UNC5C: variants seen among roughly 807,000 people sequenced by gnomAD.
UNC5C encodes netrin receptor UNC5C.
A neutral mutation model predicts 99.8 loss-of-function variants in UNC5C; 47 were observed. That is an observed-to-expected ratio of 0.47 (90% CI 0.37 to 0.60). UNC5C has a LOEUF of 0.60. UNC5C is among the 20% of genes least tolerant of loss of function. The pLI is 0.00. For synonymous variants in UNC5C, 487 were observed against 452.2 expected (o/e 1.08, Z -0.98); for missense variants, 1,062 against 1,165.9 (o/e 0.91, Z 1.30).
Position 95,218,962 on chromosome 4 carries a change from G to A in UNC5C, c.1645+7C>T, listed in dbSNP as rs1307868309. 6.3e-7 allele frequency: 1 copy of A among 1,585,330 alleles called. No homozygotes were observed. Among genetic ancestry groups the A allele is most frequent in the Non-Finnish European group, 8.6e-7 (1 of 1,164,406 alleles). Reference sequence around the variant, plus strand: ...GCCTCTTTGCAATTTAAACCTCTAGGAATTACCTGAATTGGGAACAATAAG... The same window carrying A: ...GCCTCTTTGCAATTTAAACCTCTAGAAATTACCTGAATTGGGAACAATAAG... On this transcript the variant is annotated splice_region_variant and intron_variant, in intron 9 of 15. Transcript: ENST00000453304.
intron 1 of UNC5C, among the ~76,000 whole-genome samples, chr4:95,494,675 C>T (rs1370619588): frequency 6.6e-6 from 1 of 151,340 alleles, no homozygotes; most frequent in African/African-American, 2.4e-5. Context: ...AGAGGCAATG[C>T]TAAGCTTAAA....
Position 95,216,283 on chromosome 4 carries a change from G to C in UNC5C, c.1646-72C>G, listed in dbSNP as rs114114448. ...GTAAAAGGGAATGAGGAGATTTTGT[G>C]ACCGCGCAGCCATAAGCCTGCTTCA... On this transcript the variant is annotated intron_variant, in intron 9 of 15. Transcript: ENST00000453304. The C allele has an allele frequency of 1.3e-3, 1,545 of 1,198,532 alleles. 10 individuals carry two copies. In the African/African-American group the frequency reaches 0.016, roughly 13 times the overall value. 74.2% of individuals were successfully genotyped at this position (1,198,532 alleles called of 1,614,324 possible).
intron 1 of UNC5C, among the ~76,000 whole-genome samples, chr4:95,417,492 C>G (rs1441078387): frequency 6.6e-6 from 1 of 152,066 alleles, no homozygotes; most frequent in Non-Finnish European, 1.5e-5. Context: ...AATTCTCTTT[C>G]AAAATGTTTC....
chr4:95,367,662 T>C (rs1744614608), intron 1 of UNC5C, among the ~76,000 whole-genome samples: 1 of 152,216 alleles, frequency 6.6e-6, no homozygotes, highest in Non-Finnish European at 1.5e-5. Flanking sequence ...TTATGTTACC[T>C]TGATGATAAT....
chr4:95,178,499 C>T lies in UNC5C; in HGVS notation c.2451+4398G>A, dbSNP rs1331451091. Reference sequence around the variant, plus strand: ...GAGAGTATATCAATCAATCAATCATCCTCAGACCTCTATGATAACACTGTG... The same window carrying T: ...GAGAGTATATCAATCAATCAATCATTCTCAGACCTCTATGATAACACTGTG... On this transcript the variant is annotated intron_variant, in intron 14 of 15. Coordinates refer to ENST00000453304, the MANE Select transcript of UNC5C (RefSeq NM_003728.4). Among the ~76,000 whole-genome samples the T allele has an allele frequency of 2.0e-5, 3 of 151,920 alleles. 1 individual carries two copies. The highest frequency in any genetic ancestry group is 4.4e-5 in the Non-Finnish European group (3 of 67,890).
At chr4:95,290,536 G>A (rs1032164610) in intron 3 of UNC5C, among the ~76,000 whole-genome samples, 2 of 152,122 alleles carry the variant, frequency 1.3e-5, no homozygotes, top group Admixed American at 1.3e-4. Flanking sequence ...TTCCTAAACA[G>A]GTGACATGGG....
chr4:95,396,969 C>T (rs1272556165), intron 1 of UNC5C, among the ~76,000 whole-genome samples: 3 of 152,106 alleles, frequency 2.0e-5, no homozygotes, highest in South Asian at 2.1e-4. Flanking sequence ...TACGAAGCCC[C>T]TCTCATGTGC....
At chr4:95,317,244 T>C (rs1024617796) in intron 2 of UNC5C, among the ~76,000 whole-genome samples, 2 of 152,166 alleles carry the variant, frequency 1.3e-5, no homozygotes, top group Non-Finnish European at 2.9e-5. Context: ...GGCAGTTTAG[T>C]AGTTGCAGAT....
At chr4:95,364,514 T>G (rs1744493544) in intron 1 of UNC5C, among the ~76,000 whole-genome samples, 1 of 152,210 alleles carries the variant, frequency 6.6e-6, no homozygotes, top group African/African-American at 2.4e-5. Flanking sequence ...ATTTAGCTGC[T>G]AAGTCTTAGA....
chr4:95,222,777 C>G (rs999528404), intron 7 of UNC5C, among the ~76,000 whole-genome samples: 1 of 152,150 alleles, frequency 6.6e-6, no homozygotes. Flanking sequence ...CTGAGACCAC[C>G]TCTCCCCCGC....
At chr4:95,351,970 T>C (rs1744009163) in intron 1 of UNC5C, among the ~76,000 whole-genome samples, 1 of 152,112 alleles carries the variant, frequency 6.6e-6, no homozygotes, top group South Asian at 2.1e-4. Flanking sequence ...CTTCCTGTCC[T>C]ATGTCTTCGA....
chr4:95,511,134 C>A (rs373531138), intron 1 of UNC5C, among the ~76,000 whole-genome samples: 2 of 152,076 alleles, frequency 1.3e-5, no homozygotes, highest in South Asian at 4.1e-4. Context: ...GCCTTACAAC[C>A]TTTGATAATG....
chr4:95,541,515 C>T (rs1003464484), intron 1 of UNC5C, among the ~76,000 whole-genome samples: 7 of 152,142 alleles, frequency 4.6e-5, no homozygotes, highest in African/African-American at 1.4e-4. Context: ...TTTTATATCA[C>T]GTACCCCATT....
At chr4:95,358,111 C>A (rs1277150924) in intron 1 of UNC5C, among the ~76,000 whole-genome samples, 2 of 152,074 alleles carry the variant, frequency 1.3e-5, no homozygotes. Flanking sequence ...ACAAAAAAAA[C>A]ACCACTGCAC....
At chr4:95,281,714 A>G (rs546045163) in intron 3 of UNC5C, among the ~76,000 whole-genome samples, 1 of 152,250 alleles carries the variant, frequency 6.6e-6, no homozygotes, top group Non-Finnish European at 1.5e-5. Context: ...TAGTATCAAG[A>G]TGGGCAGGGA....
chr4:95,282,188 A>G (rs1192293287), intron 3 of UNC5C, among the ~76,000 whole-genome samples: 9 of 152,208 alleles, frequency 5.9e-5, no homozygotes, highest in African/African-American at 2.2e-4. Flanking sequence ...AATGATATAG[A>G]GTGAACAAAG....
In UNC5C at chr4:95,202,854, T is replaced by G. The variant is rs1254590955; in HGVS notation, c.2013A>C (p.Gly671=). 6.2e-7 allele frequency: 1 copy of G among 1,614,216 alleles called. No homozygotes were observed. The highest frequency in any genetic ancestry group is 8.5e-7 in the Non-Finnish European group (1 of 1,180,038). Reference sequence around the variant, plus strand: ...TCGCAGCCGCTTTGGTGGTGGAATGTCCTACCAGGGCGTAGGTGCTGAGGT... The same window carrying G: ...TCGCAGCCGCTTTGGTGGTGGAATGGCCTACCAGGGCGTAGGTGCTGAGGT... ...TENLSTYALV[G]HSTTKAAAKR... is the part of the protein sequence containing the mutation. The change falls in exon 12 of 16, where the codon GGA becomes GGC. Residue 671 remains glycine, a synonymous_variant. Coordinates refer to ENST00000453304, the MANE Select transcript of UNC5C (RefSeq NM_003728.4).
chr4:95,407,516 G>C (rs1455027534), intron 1 of UNC5C, among the ~76,000 whole-genome samples: 1 of 152,028 alleles, frequency 6.6e-6, no homozygotes, highest in Non-Finnish European at 1.5e-5. Flanking sequence ...GTCTCCAGAA[G>C]GATTGCATCC....
intron 1 of UNC5C, among the ~76,000 whole-genome samples, chr4:95,351,103 C>T (rs1343367081): frequency 6.6e-6 from 1 of 152,112 alleles, no homozygotes; most frequent in East Asian, 1.9e-4. Flanking sequence ...ATAACTCTTA[C>T]ACATTTCTCA....
Sources: gnomAD v4.1 joint callset for allele counts (sites outside exome capture counted in the v4.1 genomes callset) on GRCh38, gnomAD v4.1.1 for gene constraint, MANE v1.5 for transcripts, NCBI Gene and HGNC (gene_info 2026-07-23, HGNC 2026-07-21) for gene names.